TCHHL1: variants seen among roughly 807,000 people sequenced by gnomAD.
TCHHL1 encodes trichohyalin like 1.
In TCHHL1, 1 loss-of-function variant was observed where a neutral mutation model predicts 3.5. The observed-to-expected ratio is 0.29, with a 90% CI of 0.10 to 1.36. The LOEUF is 1.36. Ranked by LOEUF, TCHHL1 falls within the 40% of genes most tolerant of loss-of-function variation. The probability of loss-of-function intolerance (pLI) is 0.43; values close to 1 mark genes in which losing one functional copy is unlikely to be tolerated. For synonymous variants in TCHHL1, 405 were observed against 375.3 expected (o/e 1.08, Z -0.92); for missense variants, 1,027 against 1,032.8 (o/e 0.99, Z 0.08).
In TCHHL1 at chr1:152,085,798, A is replaced by G. The variant is rs2101504488; in HGVS notation, c.1884T>C (p.Pro628=). The G allele has an allele frequency of 6.2e-7, 1 of 1,614,088 alleles. No individual in the cohort carries two copies. The highest frequency in any genetic ancestry group is 2.2e-5 in the East Asian group (1 of 44,878). ...CTTGATTCTTGTGTTCTCCTCTGGC[A>G]GGCTGTTCCTGGTCCTCTGTGAGCT... ...DVQLTEDQEQ[P]ARGEHKNQGP... is the part of the protein sequence containing the mutation. The change falls in exon 3 of 3, where the codon CCT becomes CCC. Residue 628 remains proline, a synonymous_variant. Transcript: ENST00000368806.
Position 152,085,729 on chromosome 1 carries a change from T to G in TCHHL1, c.1953A>C (p.Gly651=). 1 of 1,614,164 alleles carries G rather than the reference T, an allele frequency of 6.2e-7. No individual in the cohort carries two copies. Among genetic ancestry groups the G allele is most frequent in the Non-Finnish European group, 8.5e-7 (1 of 1,180,022 alleles). ...KGPGAAVEPN[G]HPEAQESTAG... ...CTGTGGATTCCTGTGCTTCTGGGTG[T>G]CCATTGGGCTCCACAGCTGCACCTG... The change falls in exon 3 of 3, where the codon GGA becomes GGC. Residue 651 remains glycine (G), a synonymous_variant. Transcript: ENST00000368806.
chr1:152,085,044 CCTGGGGAG>C lies in TCHHL1; in HGVS notation c.2630_2637del (p.Ala877GlyfsTer5), dbSNP rs1657692358. On this transcript the variant is annotated frameshift_variant, in exon 3 of 3. Coordinates refer to ENST00000368806, the MANE Select transcript of TCHHL1 (RefSeq NM_001008536.2). LOFTEE classifies it high-confidence loss of function. ...GGGTGACCTTGCTTATCTTCCAAGG[CCTGGGGAG>C]CTGGTGTTTCCTGTGCACCAGCAGG... The C allele has an allele frequency of 6.2e-7, 1 of 1,613,938 alleles. No individual in the cohort carries two copies. Among genetic ancestry groups the C allele is most frequent in the African/African-American group, 1.3e-5 (1 of 74,866 alleles).
In TCHHL1 at chr1:152,085,849, T is replaced by C; in HGVS notation, c.1833A>G (p.Val611=). The change falls in exon 3 of 3, where the codon GTA becomes GTG. Residue 611 remains valine, a synonymous_variant. Transcript: ENST00000368806. ...GEKNRALEAV[V]PAVRGEDVQL... ...GTACATCCTCTCCTCTGACTGCTGG[T>C]ACCACTGCCTCCAGAGCTCTGTTTT... 6.2e-7 allele frequency: 1 copy of C among 1,614,190 alleles called. No homozygotes were observed. The highest frequency in any genetic ancestry group is 8.5e-7 in the Non-Finnish European group (1 of 1,180,018).
chr1:152,085,315 A>T lies in TCHHL1; in HGVS notation c.2367T>A (p.Cys789Ter). 6.2e-7 allele frequency: 1 copy of T among 1,614,194 alleles called. No homozygotes were observed. Among genetic ancestry groups the T allele is most frequent in the African/African-American group, 1.3e-5 (1 of 75,052 alleles). Residue 789 changes from cysteine to a stop codon, truncating the protein, a stop_gained, in exon 3 of 3, where the codon TGT becomes TGA. Transcript: ENST00000368806. LOFTEE classifies it low-confidence loss of function (END_TRUNC). ...EKQMQRDQEPCSVERGAVYSS... is the reference protein window; with the variant it reads ...EKQMQRDQEP ...AATAGACTGCACCCCTCTCCACAGA[A>T]CAGGGCTCTTGGTCTCTCTGCATCT...
In TCHHL1 at chr1:152,086,625, G is replaced by A. The variant is rs1200203347; in HGVS notation, c.1057C>T (p.Pro353Ser). 6.2e-7 allele frequency: 1 copy of A among 1,613,988 alleles called. No homozygotes were observed. Among genetic ancestry groups the A allele is most frequent in the Admixed American group, 1.7e-5 (1 of 60,012 alleles). ...TPAKTKNLGEPEDYGRTSETQ... is the reference protein window; with the variant it reads ...TPAKTKNLGESEDYGRTSETQ... ...TCAGATGTTCTGCCATAATCCTCAG[G>A]TTCACCCAAATTCTTTGTTTTAGCT... The change falls in exon 3 of 3, where the codon CCT (proline) becomes TCT (serine). Residue 353 changes from proline to serine, a missense_variant. By Grantham distance (74) the Pro-to-Ser change is moderately conservative (BLOSUM62 -1). This residue lies in a region of TCHHL1 where 673 missense variants were observed against 658.6 expected (regional missense o/e 1.02). Transcript: ENST00000368806.
chr1:152,085,248 GCTGCAGTATCTTCTC>G lies in TCHHL1; in HGVS notation c.2419_2433del (p.Glu807_Gln811del). 1 of 1,614,196 alleles carries G rather than the reference GCTGCAGTATCTTCTC, an allele frequency of 6.2e-7. No homozygotes were observed. Among genetic ancestry groups the G allele is most frequent in the Non-Finnish European group, 8.5e-7 (1 of 1,180,052 alleles). On this transcript the variant is annotated inframe_deletion, in exon 3 of 3. Transcript: ENST00000368806. ...TGCTCCTCTTGGGTTACATTTGTTT[GCTGCAGTATCTTCTC>G]CTGTAGGTACTGGTATAGTGGACTG...
Position 152,087,492 on chromosome 1 carries a change from T to A in TCHHL1, c.190A>T (p.Ser64Cys), listed in dbSNP as rs1432616747. 1 of 1,601,444 alleles carries A rather than the reference T, an allele frequency of 6.2e-7. No homozygotes were observed. Among genetic ancestry groups the A allele is most frequent in the Non-Finnish European group, 8.5e-7 (1 of 1,179,808 alleles). ...EKNSNLLNIDSNGIISFDEFV... is the reference protein window; with the variant it reads ...EKNSNLLNIDCNGIISFDEFV... ...TCATCAAAACTGATGATGCCATTAC[T>A]GTCAATATTCAGAAGATTTGAATTT... Residue 64 changes from serine (S) to cysteine (C), a missense_variant, in exon 3 of 3, where the codon AGT (serine) becomes TGT (cysteine). Physicochemically the swap from Ser to Cys is moderately radical, Grantham distance 112. Transcript: ENST00000368806.
chr1:152,086,114 G>T lies in TCHHL1; in HGVS notation c.1568C>A (p.Pro523Gln), dbSNP rs201414845. The T allele has an allele frequency of 5.0e-5, 81 of 1,614,192 alleles. No homozygotes were observed. The Admixed American group carries it at 1.3e-3, about 26-fold the overall frequency. ...NTRVTKTHDQ[P>Q]VEEEDGYQGE... ...CTGGTAACCATCCTCCTCCTCAACT[G>T]GTTGGTCATGAGTCTTGGTGACCCT... The change falls in exon 3 of 3, where the codon CCA becomes CAA. Residue 523 changes from proline (P) to glutamine (Q), a missense_variant. Pro to Gln is a moderately conservative substitution (Grantham distance 76, BLOSUM62 -1). Around this residue, in one of 3 missense-constraint regions of TCHHL1, gnomAD observed 673 missense variants for 658.6 expected, o/e 1.02. Transcript: ENST00000368806.
In TCHHL1 at chr1:152,086,576, GTTTCACATTCTT is replaced by G. The variant is rs1400511107; in HGVS notation, c.1094_1105del (p.Lys365_Glu368del). 1.9e-6 allele frequency: 3 copies of G among 1,613,914 alleles called. No homozygotes were observed. The highest frequency in any genetic ancestry group is 3.3e-5 in the Admixed American group (2 of 59,978). ...ACCATATTGGACTGGCAGGTCCTTT[GTTTCACATTCTT>G]TTTCTTGGGTCTCAGATGTTCTGCC... On this transcript the variant is annotated inframe_deletion, in exon 3 of 3. Transcript: ENST00000368806.
In TCHHL1 at chr1:152,086,403, G is replaced by C; in HGVS notation, c.1279C>G (p.Gln427Glu). The change falls in exon 3 of 3, where the codon CAG becomes GAG. Residue 427 changes from glutamine (Q) to glutamate (E), a missense_variant. Gln to Glu is a conservative substitution (Grantham distance 29). Coordinates refer to ENST00000368806, the MANE Select transcript of TCHHL1 (RefSeq NM_001008536.2). ...GATTTTGATAATCCTTGGAGTTCCT[G>C]ATACTTCCCATCCTGTGTTTGGGTT... is the stretch of plus-strand genomic sequence containing the variant. Reference protein sequence around the residue: ...LETQTQDGKYQELQGLSKSKD... With the variant: ...LETQTQDGKYEELQGLSKSKD... 6.2e-7 allele frequency: 1 copy of C among 1,614,142 alleles called. No homozygotes were observed. Among genetic ancestry groups the C allele is most frequent in the Non-Finnish European group, 8.5e-7 (1 of 1,180,018 alleles).
Position 152,087,447 on chromosome 1 carries a change from T to C in TCHHL1, c.235A>G (p.Asn79Asp), listed in dbSNP as rs753911299. The C allele has an allele frequency of 4.3e-5, 69 of 1,608,434 alleles. No individual in the cohort carries two copies. Among genetic ancestry groups the C allele is most frequent in the Non-Finnish European group, 5.6e-5 (66 of 1,179,986 alleles). ...SFDEFVLAIF[N>D]LLNLCYLDIK... is the part of the protein sequence containing the mutation. ...TCAAGATAACAGAGGTTCAACAAGT[T>C]GAAGATTGCAAGAACAAATTCATCA... The change falls in exon 3 of 3, where the codon AAC becomes GAC. Residue 79 changes from asparagine (N) to aspartate (D), a missense_variant. By Grantham distance (23) the Asn-to-Asp change is conservative (BLOSUM62 1). Transcript: ENST00000368806.
rs755424796 is a variant in TCHHL1 at position 152,087,228 on chromosome 1, C to T, written c.454G>A (p.Val152Ile). The change falls in exon 3 of 3, where the codon GTT (valine) becomes ATT (isoleucine). Residue 152 changes from valine to isoleucine, a missense_variant. This residue lies in a region of TCHHL1 where 338 missense variants were observed against 335.9 expected (regional missense o/e 1.01). Transcript: ENST00000368806. ...CATGGGTCCACTCTGTTATTTCCAACTGCTCCACTTTCTTCAGGGATGAGC... is the reference window on the plus strand; with the variant it reads ...CATGGGTCCACTCTGTTATTTCCAATTGCTCCACTTTCTTCAGGGATGAGC... ...SQLIPEESGAVGNNRVDPWRE... is the reference protein window; with the variant it reads ...SQLIPEESGAIGNNRVDPWRE... 2.5e-6 allele frequency: 4 copies of T among 1,613,998 alleles called. No homozygotes were observed. The highest frequency in any genetic ancestry group is 1.3e-5 in the African/African-American group (1 of 74,926).
In TCHHL1 at chr1:152,086,343, G is replaced by C. The variant is rs774029059; in HGVS notation, c.1339C>G (p.Leu447Val). The change falls in exon 3 of 3, where the codon CTA (leucine) becomes GTA (valine). Residue 447 changes from leucine to valine, a missense_variant. Leu to Val is a conservative substitution (Grantham distance 32, BLOSUM62 1). Around this residue, in one of 3 missense-constraint regions of TCHHL1, gnomAD observed 673 missense variants for 658.6 expected, o/e 1.02. Transcript: ENST00000368806. The part of the protein sequence containing the change: ...DAEKGSETQY[L>V]SSEGGDQTHP... ...GTCTGATCTCCTCCTTCTGAGCTTA[G>C]ATATTGTGTCTCAGAACCTTTTTCA... 3.3e-5 allele frequency: 53 copies of C among 1,614,044 alleles called. No homozygotes were observed. Among genetic ancestry groups the C allele is most frequent in the Admixed American group, 5.0e-5 (3 of 60,002 alleles).
Position 152,084,235 on chromosome 1 carries a change from C to T in TCHHL1, c.*732G>A, listed in dbSNP as rs1039824728. 1 of 168,774 alleles carries T rather than the reference C, an allele frequency of 5.9e-6. No homozygotes were observed. Among genetic ancestry groups the T allele is most frequent in the Non-Finnish European group, 1.5e-5 (1 of 68,128 alleles). The allele number at this position is 168,774 out of a possible 1,614,324, so 10.5% of individuals were successfully genotyped here. ...AGTAGACTCACTGGATGGTTGGTTA[C>T]AAGAGCTTCTTATAAAATCAAACAT... On this transcript the variant is annotated 3_prime_UTR_variant, in exon 3 of 3. Coordinates refer to ENST00000368806, the MANE Select transcript of TCHHL1 (RefSeq NM_001008536.2).
Position 152,085,089 on chromosome 1 carries a change from G to C in TCHHL1, c.2593C>G (p.Leu865Val). 6.2e-7 allele frequency: 1 copy of C among 1,614,064 alleles called. No individual in the cohort carries two copies. Among genetic ancestry groups the C allele is most frequent in the South Asian group, 1.1e-5 (1 of 91,076 alleles). The change falls in exon 3 of 3, where the codon CTT becomes GTT. Residue 865 changes from leucine to valine, a missense_variant. Leu to Val is a conservative substitution (Grantham distance 32). Around this residue, in one of 3 missense-constraint regions of TCHHL1, gnomAD observed 673 missense variants for 658.6 expected, o/e 1.02. Coordinates refer to ENST00000368806, the MANE Select transcript of TCHHL1 (RefSeq NM_001008536.2). ...ASQPYTRGLP[L>V]DESPAGAQET... ...TGTGCACCAGCAGGACTCTCATCAA[G>C]TGGAAGTCCCCTGGTATATGGTTGT...
Position 152,087,120 on chromosome 1 carries a change from G to T in TCHHL1, c.562C>A (p.Gln188Lys), listed in dbSNP as rs1657747738. The T allele has an allele frequency of 6.2e-7, 1 of 1,614,098 alleles. No individual in the cohort carries two copies. Among genetic ancestry groups the T allele is most frequent in the Non-Finnish European group, 8.5e-7 (1 of 1,180,014 alleles). ...PKNKHLEGDE[Q>K]SQEVAQDIQT... is the part of the protein sequence containing the mutation. ...ATATCTTGAGCCACTTCCTGACTTT[G>T]TTCATCTCCTTCCAGGTGTTTGTTC... The change falls in exon 3 of 3, where the codon CAA becomes AAA. Residue 188 changes from glutamine (Q) to lysine (K), a missense_variant. Physicochemically the swap from Gln to Lys is moderately conservative, Grantham distance 53. Coordinates refer to ENST00000368806, the MANE Select transcript of TCHHL1 (RefSeq NM_001008536.2).
rs756065725 is a variant in TCHHL1, at chr1:152,085,878, C to T, written c.1804G>A (p.Glu602Lys). ...ACTGCCTCCAGAGCTCTGTTTTTCT[C>T]ACCAGGTGTTCCCTGCCTCTGGGTA... ...PDTQRQGTPG[E>K]KNRALEAVVP... is the part of the protein sequence containing the mutation. The change falls in exon 3 of 3, where the codon GAG (glutamate) becomes AAG (lysine). Residue 602 changes from glutamate to lysine, a missense_variant. This residue lies in a region of TCHHL1 where 673 missense variants were observed against 658.6 expected (regional missense o/e 1.02). Coordinates refer to ENST00000368806, the MANE Select transcript of TCHHL1 (RefSeq NM_001008536.2). 1 of 1,614,186 alleles carries T rather than the reference C, an allele frequency of 6.2e-7. No individual in the cohort carries two copies. The highest frequency in any genetic ancestry group is 8.5e-7 in the Non-Finnish European group (1 of 1,180,026).
In TCHHL1 at chr1:152,087,250, G is replaced by T. The variant is rs202001401; in HGVS notation, c.432C>A (p.Leu144=). ...CAACTGCTCCACTTTCTTCAGGGAT[G>T]AGCTGAGATGATGATGCCATTCCTG... ...LPSGMASSSQ[L]IPEESGAVGN... The change falls in exon 3 of 3, where the codon CTC becomes CTA. Residue 144 remains leucine, a synonymous_variant. Transcript: ENST00000368806. 5.0e-6 allele frequency: 8 copies of T among 1,614,114 alleles called. No homozygotes were observed. In the East Asian group the frequency reaches 1.6e-4, roughly 31 times the overall value.
rs764092198 is a variant in TCHHL1 at position 152,086,116 on chromosome 1, T to G, written c.1566A>C (p.Gln522His). 3.7e-6 allele frequency: 6 copies of G among 1,614,222 alleles called. No homozygotes were observed. In the Admixed American group the frequency reaches 1.0e-4, roughly 27 times the overall value. ...ENTRVTKTHDQPVEEEDGYQG... is the reference protein window; with the variant it reads ...ENTRVTKTHDHPVEEEDGYQG... ...GGTAACCATCCTCCTCCTCAACTGG[T>G]TGGTCATGAGTCTTGGTGACCCTAG... Residue 522 changes from glutamine (Q) to histidine (H), a missense_variant, in exon 3 of 3, where the codon CAA (glutamine) becomes CAC (histidine). Gln to His is a conservative substitution (Grantham distance 24, BLOSUM62 0). Around this residue, in one of 3 missense-constraint regions of TCHHL1, gnomAD observed 673 missense variants for 658.6 expected, o/e 1.02. Coordinates refer to ENST00000368806, the MANE Select transcript of TCHHL1 (RefSeq NM_001008536.2).
Sources: gnomAD v4.1 joint callset for allele counts on GRCh38, gnomAD v4.1.1 for gene constraint, gnomAD v4.1.1 regional missense constraint, MANE v1.5 for transcripts, NCBI Gene and HGNC (gene_info 2026-07-23, HGNC 2026-07-21) for gene names.